Variants in GLUD1 observed in about 807,000 individuals in gnomAD.
GLUD1 encodes glutamate dehydrogenase 1, mitochondrial.
Under a neutral mutation model 56.0 loss-of-function variants are expected in GLUD1, and 22 were observed. That is an observed-to-expected ratio of 0.39 (90% CI 0.28 to 0.56). The LOEUF (loss-of-function observed/expected upper bound fraction) is 0.56. Among genes scored for constraint, GLUD1 ranks in the 20% least tolerant of loss-of-function variants. The probability of loss-of-function intolerance (pLI) is 0.58; values close to 1 mark genes in which losing one functional copy is unlikely to be tolerated. For synonymous variants in GLUD1, 223 were observed against 269.9 expected (o/e 0.83, Z 1.70); for missense variants, 451 against 732.0 (o/e 0.62, Z 4.43).
chr10:87,078,622 A>C (rs1243149524), intron 1 of GLUD1, among the ~76,000 whole-genome samples: 1 of 152,218 alleles, frequency 6.6e-6, no homozygotes, highest in Non-Finnish European at 1.5e-5. Flanking sequence ...CTTAAAATTT[A>C]AAAAAGAAAG....
chr10:87,059,363 G>A, intron 9 of GLUD1, 90 bp from the exon 10 acceptor site: 1 of 1,260,194 alleles, frequency 7.9e-7, no homozygotes, highest in Non-Finnish European at 1.2e-6. Context: ...CAATACCAAG[G>A]TAGACTGGAC....
chr10:87,069,388 G>A (rs189986484), intron 4 of GLUD1, among the ~76,000 whole-genome samples: 44 of 151,978 alleles, frequency 2.9e-4, no homozygotes, highest in African/African-American at 9.9e-4. Flanking sequence ...GGTGGCACAT[G>A]TCTGTAATCC....
chr10:87,059,034 T>C (rs1589356933), intron 10 of GLUD1, 116 bp downstream of exon 10: 1 of 1,215,764 alleles, frequency 8.2e-7, no homozygotes, highest in Non-Finnish European at 1.2e-6. Flanking sequence ...AATATTATTT[T>C]CTTTTCTGAG....
chr10:87,093,956 G>A, intron 1 of GLUD1: 1 of 1,385,678 alleles, frequency 7.2e-7, no homozygotes, highest in African/African-American at 1.4e-5. Context: ...CACTGACGAG[G>A]CATTATCACA....
Position 87,060,651 on chromosome 10 carries a change from T to C in GLUD1, c.1197+37A>G, listed in dbSNP as rs377150844. ...TATGACCCCCCTAACGTCATTCACA[T>C]TGATAATGTTGGTTCTGGTTTCTAT... On this transcript the variant is annotated intron_variant, in intron 8 of 12. Coordinates refer to ENST00000277865, the MANE Select transcript of GLUD1 (RefSeq NM_005271.5). The C allele has an allele frequency of 7.4e-6, 12 of 1,613,494 alleles. No individual in the cohort carries two copies. In the African/African-American group the frequency reaches 1.3e-4, roughly 18 times the overall value.
In GLUD1 at chr10:87,059,135, A is replaced by G. The variant is rs1845865291; in HGVS notation, c.1402+15T>C. 6.2e-7 allele frequency: 1 copy of G among 1,612,310 alleles called. No individual in the cohort carries two copies. Among genetic ancestry groups the G allele is most frequent in the African/African-American group, 1.3e-5 (1 of 74,992 alleles). On this transcript the variant is annotated intron_variant, in intron 10 of 12. Transcript: ENST00000277865. ...CAAAAGATGAGTTTTGGCGAACAAGATTATCGATACTCACTGAGCAAGTGG... is the reference window on the plus strand; with the variant it reads ...CAAAAGATGAGTTTTGGCGAACAAGGTTATCGATACTCACTGAGCAAGTGG...
At chr10:87,077,001 G>T (rs148426787) in intron 1 of GLUD1, among the ~76,000 whole-genome samples, 55 of 151,270 alleles carry the variant, frequency 3.6e-4, no homozygotes, top group African/African-American at 1.2e-3. Context: ...AAGAATTCAG[G>T]TTGCTTTTTT....
At chr10:87,078,047 A>G (rs1455337355) in intron 1 of GLUD1, among the ~76,000 whole-genome samples, 6 of 152,220 alleles carry the variant, frequency 3.9e-5, no homozygotes, top group Non-Finnish European at 8.8e-5. Context: ...TTCTGAAAAC[A>G]TCAACCTTAA....
intron 4 of GLUD1, among the ~76,000 whole-genome samples, chr10:87,070,001 C>G (rs1421611310): frequency 1.3e-5 from 2 of 152,254 alleles, no homozygotes; most frequent in African/African-American, 4.8e-5. Flanking sequence ...ACTTTCCATT[C>G]CTTTAGTGAC....
rs898522551 is a variant in GLUD1, at chr10:87,094,235, G to A, written c.445+90C>T. The A allele has an allele frequency of 6.7e-6, 10 of 1,493,072 alleles. No individual in the cohort carries two copies. Among genetic ancestry groups the A allele is most frequent in the Non-Finnish European group, 9.0e-6 (10 of 1,106,686 alleles). The allele number at this position is 1,493,072 out of a possible 1,614,324, so 92.5% of individuals were successfully genotyped here. Reference sequence around the variant, plus strand: ...GCCCGCTCCAGCTGGGCTGGGCTGGGCTGAGCAGCGGCCCCGCACCGGCAG... The same window carrying A: ...GCCCGCTCCAGCTGGGCTGGGCTGGACTGAGCAGCGGCCCCGCACCGGCAG... On this transcript the variant is annotated intron_variant, in intron 1 of 12. Transcript: ENST00000277865. The surrounding 1 kb of genome is among the most constrained non-coding windows in gnomAD (Gnocchi z 6.6).
At chr10:87,068,363 T>C (rs145493404) in intron 4 of GLUD1, among the ~76,000 whole-genome samples, 1 of 152,332 alleles carries the variant, frequency 6.6e-6, no homozygotes, top group African/African-American at 2.4e-5. Flanking sequence ...CATAATAATT[T>C]CTCCCTCTGG....
At position 87,051,135 on chromosome 10, in the gene GLUD1, CTGTT is replaced by C. The variant is rs1217655679; in HGVS notation, c.*612_*615del. 6 of 168,274 alleles carry C rather than the reference CTGTT, an allele frequency of 3.6e-5. No homozygotes were observed. The highest frequency in any genetic ancestry group is 3.8e-4 in the East Asian group (2 of 5,240). The allele number at this position is 168,274 out of a possible 1,614,324, so 10.4% of individuals were successfully genotyped here. A position where few individuals can be genotyped will look rare whatever the true frequency, so the allele number is the denominator to read the frequency against. On this transcript the variant is annotated 3_prime_UTR_variant, in exon 13 of 13. Transcript: ENST00000277865. Reference sequence around the variant, plus strand: ...CATTTATTATTTCTATAGGCATTCACTGTTTGAGTCAAGGTTAGGCTTGTTAAGT... The same window carrying C: ...CATTTATTATTTCTATAGGCATTCACTGAGTCAAGGTTAGGCTTGTTAAGT...
At chr10:87,069,943 A>C (rs1846186123) in intron 4 of GLUD1, among the ~76,000 whole-genome samples, 1 of 152,188 alleles carries the variant, frequency 6.6e-6, no homozygotes, top group Non-Finnish European at 1.5e-5. Context: ...TTCTAGCCTC[A>C]TCCACTGACA....
In GLUD1 at chr10:87,082,927, C is replaced by T. The variant is rs1185826646; in HGVS notation, c.446-6271G>A. Among the ~76,000 whole-genome samples the T allele has an allele frequency of 4.6e-5, 7 of 152,272 alleles. No homozygotes were observed. In the East Asian group the frequency reaches 9.6e-4, roughly 21 times the overall value. On this transcript the variant is annotated intron_variant, in intron 1 of 12. Coordinates refer to ENST00000277865, the MANE Select transcript of GLUD1 (RefSeq NM_005271.5). ...GTCACCTGAAAATAAGTCTTAACTA[C>T]ATTCTAAGGGACACGAAGAGATTTA...
chr10:87,055,837 C>T (rs576406494), intron 11 of GLUD1, among the ~76,000 whole-genome samples: 5 of 152,148 alleles, frequency 3.3e-5, no homozygotes, highest in Middle Eastern at 3.4e-3. Context: ...TATTGACGGC[C>T]GGGCGCGGTG....
intron 1 of GLUD1, among the ~76,000 whole-genome samples, chr10:87,087,818 C>T (rs945173491): frequency 1.3e-5 from 2 of 152,144 alleles, no homozygotes; most frequent in Non-Finnish European, 2.9e-5. Flanking sequence ...CGGTGGCTCA[C>T]GCCTGTAATC....
At chr10:87,074,087 G>T (rs191129519) in intron 4 of GLUD1, among the ~76,000 whole-genome samples, 1 of 151,888 alleles carries the variant, frequency 6.6e-6, no homozygotes, top group East Asian at 1.9e-4. Flanking sequence ...ATCATAAAAA[G>T]AATATTCAGA....
chr10:87,060,519 G>T lies in GLUD1; in HGVS notation c.1197+169C>A, dbSNP rs1845903214. 7 of 877,890 alleles carry T rather than the reference G, an allele frequency of 8.0e-6. No homozygotes were observed. The Admixed American group carries it at 9.3e-5, about 12-fold the overall frequency. 54.4% of individuals were successfully genotyped at this position (877,890 alleles called of 1,614,324 possible). Reference sequence around the variant, plus strand: ...ATGGTTGCACAACTCTGTGCCGGTAGCTAAAAGCCATTAAATTATGTACCT... The same window carrying T: ...ATGGTTGCACAACTCTGTGCCGGTATCTAAAAGCCATTAAATTATGTACCT... On this transcript the variant is annotated intron_variant, in intron 8 of 12. Coordinates refer to ENST00000277865, the MANE Select transcript of GLUD1 (RefSeq NM_005271.5).
chr10:87,074,344 T>C (rs1356335072), intron 4 of GLUD1, among the ~76,000 whole-genome samples: 2 of 151,926 alleles, frequency 1.3e-5, no homozygotes, highest in African/African-American at 4.8e-5. Context: ...CCAGTAAAAA[T>C]ACAAAAATCA....
Sources: allele counts gnomAD v4.1 joint callset (sites outside exome capture counted in the v4.1 genomes callset), GRCh38; gene constraint gnomAD v4.1.1; non-coding constraint Gnocchi (gnomAD v3.1); transcripts MANE v1.5; gene names NCBI Gene and HGNC (gene_info 2026-07-23, HGNC 2026-07-21).